Variants in LENG8 observed in about 807,000 individuals in gnomAD.
The protein encoded by LENG8 is leukocyte receptor cluster (LRC) member 8.
Under a neutral mutation model 102.1 loss-of-function variants are expected in LENG8, and 28 were observed. The ratio of observed to expected loss-of-function variants is 0.27; its 90% CI spans 0.20 to 0.38. The LOEUF (loss-of-function observed/expected upper bound fraction) is 0.38. LENG8 is among the 10% of genes least tolerant of loss of function. The pLI is 1.00. For missense variants in LENG8, 1,022 were observed against 1,113.9 expected (o/e 0.92, Z 1.17); for synonymous variants, 531 against 456.7 (o/e 1.16, Z -2.07).
chr19:54,457,944 T>C lies in LENG8; in HGVS notation c.1844T>C (p.Ile615Thr). The C allele has an allele frequency of 6.2e-7, 1 of 1,613,798 alleles. No homozygotes were observed. Among genetic ancestry groups the C allele is most frequent in the Non-Finnish European group, 8.5e-7 (1 of 1,179,998 alleles). The change falls in exon 13 of 16, where the codon ATC (isoleucine) becomes ACC (threonine). Residue 615 changes from isoleucine (I) to threonine (T), a missense_variant. By Grantham distance (89) the Ile-to-Thr change is moderately conservative. Coordinates refer to ENST00000326764, the MANE Select transcript of LENG8 (RefSeq NM_052925.4). ...GCCCCGCTGCCCCAGGTGCAGGGCATCCGCACCGAGTTCACGGTGGAGGTG... is the reference window on the plus strand; with the variant it reads ...GCCCCGCTGCCCCAGGTGCAGGGCACCCGCACCGAGTTCACGGTGGAGGTG... ...SIRQDLTVQGIRTEFTVEVYE... is the reference protein window; with the variant it reads ...SIRQDLTVQGTRTEFTVEVYE...
At position 54,458,446 on chromosome 19, in the gene LENG8, C is replaced by G; in HGVS notation, c.2165C>G (p.Pro722Arg). 6.2e-7 allele frequency: 1 copy of G among 1,614,264 alleles called. No individual in the cohort carries two copies. Among genetic ancestry groups the G allele is most frequent in the Non-Finnish European group, 8.5e-7 (1 of 1,180,048 alleles). ...TTTTTCCGGCTCTACTGCCATGCAC[C>G]CTGCATGTCTGGCTACCTCGTGGAC... ...HRFFRLYCHA[P>R]CMSGYLVDKF... The change falls in exon 15 of 16, where the codon CCC (proline) becomes CGC (arginine). Residue 722 changes from proline (P) to arginine (R), a missense_variant. Physicochemically the swap from Pro to Arg is moderately radical, Grantham distance 103. Around this residue, in one of 7 missense-constraint regions of LENG8, gnomAD observed 129 missense variants for 123.0 expected, o/e 1.05. Transcript: ENST00000326764.
At chr19:54,452,002 TG>T in intron 2 of LENG8, 90 bp from the exon 3 acceptor site, 1 of 1,206,574 alleles carries the variant, frequency 8.3e-7, no homozygotes. Context: ...CAGTTAGATA[TG>T]GGATCCAGGG....
rs112886287 is a variant in LENG8 at position 54,457,011 on chromosome 19, C to T, written c.1731+90C>T. 2,089 of 1,358,652 alleles carry T rather than the reference C, an allele frequency of 1.5e-3. 22 individuals carry two copies. In the African/African-American group the frequency reaches 0.026, roughly 17 times the overall value. 84.2% of individuals were successfully genotyped at this position (1,358,652 alleles called of 1,614,324 possible). On this transcript the variant is annotated intron_variant, in intron 11 of 15. Coordinates refer to ENST00000326764, the MANE Select transcript of LENG8 (RefSeq NM_052925.4). ...CCCAGGGAGGGTGGCAGAGGCCACA[C>T]GGGGGCTCTGGTATGGCAGGGGAAG...
chr19:54,460,902 A>G lies in LENG8; in HGVS notation c.2377A>G (p.Ser793Gly). 6.4e-7 allele frequency: 1 copy of G among 1,550,930 alleles called. No individual in the cohort carries two copies. The highest frequency in any genetic ancestry group is 1.2e-5 in the South Asian group (1 of 84,364). ...CAACTCCAGCATCGACTGCCGCCTCAGCCTGGCGCAGCTGTCAGCCTTCTG... is the reference window on the plus strand; with the variant it reads ...CAACTCCAGCATCGACTGCCGCCTCGGCCTGGCGCAGCTGTCAGCCTTCTG... ...PDNSSIDCRL[S>G]LAQLSAF Residue 793 changes from serine (S) to glycine (G), a missense_variant, in exon 16 of 16, where the codon AGC (serine) becomes GGC (glycine). This residue lies in a region of LENG8 where 129 missense variants were observed against 123.0 expected (regional missense o/e 1.05). Coordinates refer to ENST00000326764, the MANE Select transcript of LENG8 (RefSeq NM_052925.4).
In LENG8 at chr19:54,458,406, G is replaced by A; in HGVS notation, c.2125G>A (p.Gly709Ser). 1 of 1,614,242 alleles carries A rather than the reference G, an allele frequency of 6.2e-7. No homozygotes were observed. Among genetic ancestry groups the A allele is most frequent in the South Asian group, 1.1e-5 (1 of 91,088 alleles). ...GGCATTAAGGACAGCCTGGGCCCTGGGCAACTACCACCGCTTTTTCCGGCT... is the reference window on the plus strand; with the variant it reads ...GGCATTAAGGACAGCCTGGGCCCTGAGCAACTACCACCGCTTTTTCCGGCT... ...ALALRTAWAL[G>S]NYHRFFRLYC... is the part of the protein sequence containing the mutation. Residue 709 changes from glycine to serine, a missense_variant, in exon 15 of 16, where the codon GGC (glycine) becomes AGC (serine). By Grantham distance (56) the Gly-to-Ser change is moderately conservative. Coordinates refer to ENST00000326764, the MANE Select transcript of LENG8 (RefSeq NM_052925.4).
chr19:54,451,783 A>G (rs2083973401), intron 2 of LENG8, among the ~76,000 whole-genome samples: 1 of 152,186 alleles, frequency 6.6e-6, no homozygotes, highest in African/African-American at 2.4e-5. Context: ...CATGAAAGAC[A>G]TAGCCCTAGG....
chr19:54,457,005 G>A, intron 11 of LENG8, 84 bp downstream of exon 11: 1 of 1,384,222 alleles, frequency 7.2e-7, no homozygotes, highest in Non-Finnish European at 9.6e-7. Context: ...GGTGGCAGAG[G>A]CCACACGGGG....
chr19:54,451,017 C>T (rs10407171), intron 1 of LENG8, among the ~76,000 whole-genome samples: 5,263 of 152,248 alleles, frequency 0.035, 146 homozygotes, highest in African/African-American at 0.074. Context: ...GTTTCAGACC[C>T]TTCTCCTTCC....
rs2084502411 is a variant in LENG8, at chr19:54,460,776, G to T, written c.2251G>T (p.Ala751Ser). The change falls in exon 16 of 16, where the codon GCG becomes TCG. Residue 751 changes from alanine (A) to serine (S), a missense_variant. Around this residue, in one of 7 missense-constraint regions of LENG8, gnomAD observed 129 missense variants for 123.0 expected, o/e 1.05. Transcript: ENST00000326764. ...CTCTTGTCTCCATAGCTTCCGCCCT[G>T]CGCTGCCAGTCTCCTACCTGCAGGC... Reference protein sequence around the residue: ...LKAMIKTFRPALPVSYLQAEL... With the variant: ...LKAMIKTFRPSLPVSYLQAEL... The T allele has an allele frequency of 1.5e-6, 2 of 1,319,132 alleles. No individual in the cohort carries two copies. The highest frequency in any genetic ancestry group is 1.1e-4 in the East Asian group (2 of 18,896). 81.7% of individuals were successfully genotyped at this position (1,319,132 alleles called of 1,614,324 possible). A position where few individuals can be genotyped will look rare whatever the true frequency, so the allele number is the denominator to read the frequency against.
chr19:54,457,881 G>A (rs375387351), intron 12 of LENG8, 33 bp downstream of exon 12: 24 of 1,613,238 alleles, frequency 1.5e-5, no homozygotes, highest in Non-Finnish European at 2.0e-5. Flanking sequence ...CCTGGCCTCA[G>A]CCAGTCCTGC....
Position 54,454,440 on chromosome 19 carries a change from C to T in LENG8, c.437C>T (p.Pro146Leu). Reference protein sequence around the residue: ...HQGTLNQPPVPGMDESMSYQA... With the variant: ...HQGTLNQPPVLGMDESMSYQA... The stretch of plus-strand genomic sequence containing the variant: ...TGCTTCCTTCTGCAGCCCCCAGTCC[C>T]CGGCATGGATGAGAGCATGTCCTAC... The change falls in exon 6 of 16, where the codon CCC becomes CTC. Residue 146 changes from proline (P) to leucine (L), a missense_variant. Transcript: ENST00000326764. The T allele has an allele frequency of 6.2e-7, 1 of 1,607,378 alleles. No individual in the cohort carries two copies. The highest frequency in any genetic ancestry group is 8.5e-7 in the Non-Finnish European group (1 of 1,176,328).
At chr19:54,450,008 C>T (rs1346641403) in intron 1 of LENG8, among the ~76,000 whole-genome samples, 1 of 152,226 alleles carries the variant, frequency 6.6e-6, no homozygotes, top group Non-Finnish European at 1.5e-5. Flanking sequence ...AATTCCGGTT[C>T]TCCTGCGGGA....
chr19:54,451,198 G>A, intron 1 of LENG8, 92 bp from the exon 2 acceptor site: 1 of 821,016 alleles, frequency 1.2e-6, no homozygotes, highest in East Asian at 2.5e-5. Flanking sequence ...TTTCTGCCCG[G>A]CTTCTCTTGA....
Position 54,453,603 on chromosome 19 carries a change from T to C in LENG8, c.373T>C (p.Ser125Pro), listed in dbSNP as rs2084068280. ...SQYGMAGSYGSATPQQPSAPQ... is the reference protein window; with the variant it reads ...SQYGMAGSYGPATPQQPSAPQ... Reference sequence around the variant, plus strand: ...GTATGGGATGGCCGGCTCCTATGGCTCAGCCACACCCCAGCAGCCATCCGC... The same window carrying C: ...GTATGGGATGGCCGGCTCCTATGGCCCAGCCACACCCCAGCAGCCATCCGC... The change falls in exon 5 of 16, where the codon TCA becomes CCA. Residue 125 changes from serine (S) to proline (P), a missense_variant. Physicochemically the swap from Ser to Pro is moderately conservative, Grantham distance 74. Coordinates refer to ENST00000326764, the MANE Select transcript of LENG8 (RefSeq NM_052925.4). The C allele has an allele frequency of 3.7e-6, 6 of 1,614,006 alleles. No homozygotes were observed. The highest frequency in any genetic ancestry group is 3.4e-6 in the Non-Finnish European group (4 of 1,180,012).
At position 54,460,189 on chromosome 19, in the gene LENG8, T is replaced by C. The variant is rs1456524089; in HGVS notation, c.2241-577T>C. ...GCCCCTCACTCGGTGCCTGGGTTCC[T>C]GTGTGTGTGGAAAGGGTAGGGCTGC... On this transcript the variant is annotated intron_variant, in intron 15 of 15. Transcript: ENST00000326764. The C allele has an allele frequency of 4.7e-6, 6 of 1,289,756 alleles. No homozygotes were observed. In the African/African-American group the frequency reaches 7.6e-5, roughly 16 times the overall value. 79.9% of individuals were successfully genotyped at this position (1,289,756 alleles called of 1,614,324 possible).
chr19:54,460,515 G>T, intron 15 of LENG8: 1 of 1,378,888 alleles, frequency 7.3e-7, no homozygotes, highest in Non-Finnish European at 9.4e-7. Flanking sequence ...TTCCCTGCCC[G>T]TCCCCGCTCC....
At position 54,461,236 on chromosome 19, in the gene LENG8, C is replaced by T; in HGVS notation, c.*308C>T. The T allele has an allele frequency of 1.7e-6, 1 of 590,674 alleles. No individual in the cohort carries two copies. Among genetic ancestry groups the T allele is most frequent in the Non-Finnish European group, 3.2e-6 (1 of 314,026 alleles). The allele number at this position is 590,674 out of a possible 1,614,324, so 36.6% of individuals were successfully genotyped here. On this transcript the variant is annotated 3_prime_UTR_variant, in exon 16 of 16. Transcript: ENST00000326764. Reference sequence around the variant, plus strand: ...CTAATGCTGTCTCAGTGTTTTCTCTCTCTCTCTTTCGAGCTTGCACTCCGG... The same window carrying T: ...CTAATGCTGTCTCAGTGTTTTCTCTTTCTCTCTTTCGAGCTTGCACTCCGG...
chr19:54,455,104 C>T lies in LENG8; in HGVS notation c.821+12C>T, dbSNP rs1396720447. ...GTTCAGAACCACAGGTGACGTCTGC[C>T]CCCTTGCCCCGTCGCAGCCCCACAC... On this transcript the variant is annotated intron_variant, in intron 7 of 15. Transcript: ENST00000326764. 1.9e-6 allele frequency: 3 copies of T among 1,613,992 alleles called. No homozygotes were observed. Among genetic ancestry groups the T allele is most frequent in the African/African-American group, 1.3e-5 (1 of 74,928 alleles).
chr19:54,460,314 G>A lies in LENG8; in HGVS notation c.2241-452G>A. 5 of 1,236,070 alleles carry A rather than the reference G, an allele frequency of 4.0e-6. No individual in the cohort carries two copies. In the South Asian group the frequency reaches 6.9e-5, roughly 17 times the overall value. The allele number at this position is 1,236,070 out of a possible 1,614,324, so 76.6% of individuals were successfully genotyped here. On this transcript the variant is annotated intron_variant, in intron 15 of 15. Coordinates refer to ENST00000326764, the MANE Select transcript of LENG8 (RefSeq NM_052925.4). Reference sequence around the variant, plus strand: ...CAGCAGCCGGAAGTGACTGCTTTCAGTGTGTAGTGGTGAGTGCTAGCTGGC... The same window carrying A: ...CAGCAGCCGGAAGTGACTGCTTTCAATGTGTAGTGGTGAGTGCTAGCTGGC...
Sources: allele counts gnomAD v4.1 joint callset (sites outside exome capture counted in the v4.1 genomes callset), GRCh38; gene constraint gnomAD v4.1.1; regional missense constraint gnomAD v4.1.1; transcripts MANE v1.5; gene names NCBI Gene and HGNC (gene_info 2026-07-23, HGNC 2026-07-21).